Variants in SEC22B observed in about 807,000 individuals in gnomAD.
SEC22B encodes the protein vesicle-trafficking protein SEC22b.
Under a neutral mutation model 31.4 loss-of-function variants are expected in SEC22B, and 10 were observed. That is an observed-to-expected ratio of 0.32 (90% CI 0.20 to 0.54). The LOEUF (loss-of-function observed/expected upper bound fraction) is 0.54. Among genes scored for constraint, SEC22B ranks in the 20% least tolerant of loss-of-function variants. SEC22B has a pLI of 0.94. For synonymous variants in SEC22B, 60 were observed against 95.9 expected, an observed-to-expected ratio of 0.63 and a Z score of 2.19; for missense variants, 130 against 263.4, an observed-to-expected ratio of 0.49 and a Z score of 3.50.
intron 1 of SEC22B, 41 bp downstream of exon 1, chr1:120,176,266 G>A: frequency 6.3e-7 from 1 of 1,588,194 alleles, no homozygotes; most frequent in East Asian, 2.3e-5. Context: ...AAAGCGCGCT[G>A]ACAGAGACTT....
At position 120,151,896 on chromosome 1, in the gene SEC22B, T is replaced by C. The variant is rs1657548445; in HGVS notation, c.*5142A>G. ...GAGGTGAAAGAAGAAAGCAGAGGAG[T>C]CTAATGCAATGCGTGACTTGTAGCT... On this transcript the variant is annotated 3_prime_UTR_variant, in exon 5 of 5. Transcript: ENST00000578049. 6.6e-6 allele frequency: 1 copy of C among 151,534 alleles called. No homozygotes were observed. The highest frequency in any genetic ancestry group is 2.4e-5 in the African/African-American group (1 of 41,206). 9.4% of individuals were successfully genotyped at this position (151,534 alleles called of 1,614,324 possible). A position where few individuals can be genotyped will look rare whatever the true frequency, so the allele number is the denominator to read the frequency against.
rs1458928632 is a variant in SEC22B at position 120,155,789 on chromosome 1, G to A, written c.*1249C>T. ...CCCATTAAAAAATTCTACCTCAGAAGGTAAAAGGAAATCTCCATCATCCCT... is the reference window on the plus strand; with the variant it reads ...CCCATTAAAAAATTCTACCTCAGAAAGTAAAAGGAAATCTCCATCATCCCT... On this transcript the variant is annotated 3_prime_UTR_variant, in exon 5 of 5. Coordinates refer to ENST00000578049, the MANE Select transcript of SEC22B (RefSeq NM_004892.6). 3.3e-5 allele frequency: 5 copies of A among 152,000 alleles called. No individual in the cohort carries two copies. The highest frequency in any genetic ancestry group is 3.2e-3 in the Middle Eastern group (1 of 316). The allele number at this position is 152,000 out of a possible 1,614,324, so 9.4% of individuals were successfully genotyped here.
At chr1:120,172,959 T>A (rs1345483070) in intron 1 of SEC22B, among the ~76,000 whole-genome samples, 1 of 150,436 alleles carries the variant, frequency 6.6e-6, no homozygotes, top group African/African-American at 2.5e-5. Flanking sequence ...ATACTTTTCG[T>A]TGCTGTCACC....
rs1285453607 is a variant in SEC22B, at chr1:120,163,572, T to C, written c.186-202A>G. ...TCTTCCCATTATTAGATGTATATTC[T>C]TTTTTTTTTCTTTTTTTTTTTGAGA... On this transcript the variant is annotated intron_variant, in intron 2 of 4. Coordinates refer to ENST00000578049, the MANE Select transcript of SEC22B (RefSeq NM_004892.6). Among the ~76,000 whole-genome samples the C allele has an allele frequency of 3.5e-3, 461 of 130,248 alleles. 125 individuals carry two copies. The highest frequency in any genetic ancestry group is 0.018 in the African/African-American group (451 of 24,406). 85.4% of individuals were successfully genotyped at this position (130,248 alleles called of 152,430 possible).
chr1:120,163,500 C>T lies in SEC22B; in HGVS notation c.186-130G>A, dbSNP rs1222426710. On this transcript the variant is annotated intron_variant, in intron 2 of 4. Coordinates refer to ENST00000578049, the MANE Select transcript of SEC22B (RefSeq NM_004892.6). ...CCTAAATACTTTGAGGCTGGCTAAA[C>T]GAGAGTCAATTTAAAACCGCAAATC... is the stretch of plus-strand genomic sequence containing the variant. 110 of 431,882 alleles carry T rather than the reference C, an allele frequency of 2.5e-4. 4 individuals carry two copies. The highest frequency in any genetic ancestry group is 1.3e-3 in the Middle Eastern group (3 of 2,368). 26.8% of individuals were successfully genotyped at this position (431,882 alleles called of 1,614,324 possible).
rs1553228851 is a variant in SEC22B at position 120,152,268 on chromosome 1, AAGAGT to A, written c.*4765_*4769del. On this transcript the variant is annotated 3_prime_UTR_variant, in exon 5 of 5. Coordinates refer to ENST00000578049, the MANE Select transcript of SEC22B (RefSeq NM_004892.6). ...GGCTAACATATGCAGACTAAAATGA[AAGAGT>A]ATAGTATATTATAAAATCAATAAAA... 2 of 150,746 alleles carry A rather than the reference AAGAGT, an allele frequency of 1.3e-5. No homozygotes were observed. Among genetic ancestry groups the A allele is most frequent in the African/African-American group, 4.9e-5 (2 of 40,608 alleles). The allele number at this position is 150,746 out of a possible 1,614,324, so 9.3% of individuals were successfully genotyped here.
At chr1:120,171,106 A>T (rs1201739890) in intron 1 of SEC22B, among the ~76,000 whole-genome samples, 1 of 132,614 alleles carries the variant, frequency 7.5e-6, no homozygotes, top group Non-Finnish European at 1.5e-5. Context: ...GGGAAATCTC[A>T]AAAACAAAAC....
At chr1:120,171,195 A>G (rs2101132405) in intron 1 of SEC22B, among the ~76,000 whole-genome samples, 2 of 131,398 alleles carry the variant, frequency 1.5e-5, no homozygotes, top group East Asian at 4.2e-4. Context: ...TATTTTTTAC[A>G]TAACTGCAAC....
intron 3 of SEC22B, among the ~76,000 whole-genome samples, chr1:120,161,130 T>C (rs2101127922): frequency 6.6e-6 from 1 of 152,290 alleles, no homozygotes; most frequent in African/African-American, 2.4e-5. Context: ...AGACCCACTA[T>C]AGTAAGCCTT....
rs1235394506 is a variant in SEC22B, at chr1:120,155,184, A to G, written c.*1854T>C. On this transcript the variant is annotated 3_prime_UTR_variant, in exon 5 of 5. Transcript: ENST00000578049. ...ATATATGTATATAAATTAACTAGATAACAAAACTTCACACTGAAGTGAACA... is the reference window on the plus strand; with the variant it reads ...ATATATGTATATAAATTAACTAGATGACAAAACTTCACACTGAAGTGAACA... 4 of 152,124 alleles carry G rather than the reference A, an allele frequency of 2.6e-5. No individual in the cohort carries two copies. Among genetic ancestry groups the G allele is most frequent in the African/African-American group, 9.7e-5 (4 of 41,442 alleles). 9.4% of individuals were successfully genotyped at this position (152,124 alleles called of 1,614,324 possible).
In SEC22B at chr1:120,152,707, C is replaced by A. The variant is rs1280862686; in HGVS notation, c.*4331G>T. 7.2e-5 allele frequency: 10 copies of A among 139,144 alleles called. No homozygotes were observed. The highest frequency in any genetic ancestry group is 1.3e-4 in the Non-Finnish European group (9 of 66,990). 8.6% of individuals were successfully genotyped at this position (139,144 alleles called of 1,614,324 possible). A position where few individuals can be genotyped will look rare whatever the true frequency, so the allele number is the denominator to read the frequency against. On this transcript the variant is annotated 3_prime_UTR_variant, in exon 5 of 5. Coordinates refer to ENST00000578049, the MANE Select transcript of SEC22B (RefSeq NM_004892.6). ...GATAATGAAGTAAATTTAAAAAGTACGGAATAATAAAAAGAAATTGCAAAA... is the reference window on the plus strand; with the variant it reads ...GATAATGAAGTAAATTTAAAAAGTAAGGAATAATAAAAAGAAATTGCAAAA...
chr1:120,164,166 G>A (rs1163499138), intron 2 of SEC22B, among the ~76,000 whole-genome samples: 1 of 146,234 alleles, frequency 6.8e-6, no homozygotes, highest in African/African-American at 2.5e-5. Flanking sequence ...CACCATTTTG[G>A]CCAGGCTGGT....
intron 2 of SEC22B, among the ~76,000 whole-genome samples, chr1:120,165,499 C>T (rs1657791553): frequency 6.6e-6 from 1 of 152,088 alleles, no homozygotes; most frequent in Non-Finnish European, 1.5e-5. Flanking sequence ...CATACACACA[C>T]ATGCAAATAT....
At chr1:120,165,757 C>T (rs1485946129) in intron 2 of SEC22B, among the ~76,000 whole-genome samples, 35,307 of 151,330 alleles carry the variant, frequency 0.23, 6,700 homozygotes, top group African/African-American at 0.53. Flanking sequence ...ATAAAGTCTT[C>T]GCCCAGGTTC....
Position 120,167,102 on chromosome 1 carries a change from T to C in SEC22B, c.185+1738A>G, listed in dbSNP as rs1378823924. 9.3e-5 allele frequency among the ~76,000 whole-genome samples: 14 copies of C among 150,822 alleles called. No homozygotes were observed. In the South Asian group the frequency reaches 2.7e-3, roughly 29 times the overall value. On this transcript the variant is annotated intron_variant, in intron 2 of 4. Coordinates refer to ENST00000578049, the MANE Select transcript of SEC22B (RefSeq NM_004892.6). ...TAAAATAATATTAATAATACAGCTGTCTTATTCCTTGCTTGGGCACCTGAG... is the reference window on the plus strand; with the variant it reads ...TAAAATAATATTAATAATACAGCTGCCTTATTCCTTGCTTGGGCACCTGAG...
chr1:120,161,006 T>C (rs1657707568), intron 3 of SEC22B, among the ~76,000 whole-genome samples: 1 of 152,318 alleles, frequency 6.6e-6, no homozygotes, highest in Non-Finnish European at 1.5e-5. Flanking sequence ...ATTATTTCAT[T>C]TGTAAGATGT....
rs1657624039 is a variant in SEC22B, at chr1:120,156,139, A to T, written c.*899T>A. ...AAATTGTGGCAAGAGGAAAACAAAC[A>T]GTGGAGAAAACTGTGGTAGAGAAAG... is the stretch of plus-strand genomic sequence containing the variant. On this transcript the variant is annotated 3_prime_UTR_variant, in exon 5 of 5. Transcript: ENST00000578049. 2 of 152,142 alleles carry T rather than the reference A, an allele frequency of 1.3e-5. No homozygotes were observed. The highest frequency in any genetic ancestry group is 1.3e-4 in the Admixed American group (2 of 15,256). The allele number at this position is 152,142 out of a possible 1,614,324, so 9.4% of individuals were successfully genotyped here. A position where few individuals can be genotyped will look rare whatever the true frequency, so the allele number is the denominator to read the frequency against.
At chr1:120,175,978 T>C (rs1405766458) in intron 1 of SEC22B, among the ~76,000 whole-genome samples, 7 of 152,194 alleles carry the variant, frequency 4.6e-5, no homozygotes, top group African/African-American at 9.7e-5. Context: ...GCAGTCCTAT[T>C]AGCAGCAGAA....
At chr1:120,174,340 T>C (rs1482729626) in intron 1 of SEC22B, among the ~76,000 whole-genome samples, 1 of 152,294 alleles carries the variant, frequency 6.6e-6, no homozygotes, top group Non-Finnish European at 1.5e-5. Context: ...ACTATTAAAA[T>C]AGTAAAAGTA....
Sources: allele counts gnomAD v4.1 joint callset (sites outside exome capture counted in the v4.1 genomes callset), GRCh38; gene constraint gnomAD v4.1.1; transcripts MANE v1.5; gene names NCBI Gene and HGNC (gene_info 2026-07-23, HGNC 2026-07-21).